Variants in IQCJ observed in about 807,000 individuals in gnomAD.
IQCJ encodes IQ domain-containing protein J.
Under a neutral mutation model 11.0 loss-of-function variants are expected in IQCJ, and 9 were observed. The observed-to-expected ratio is 0.82, with a 90% CI of 0.49 to 1.43. IQCJ has a LOEUF of 1.43. Among genes scored for constraint, IQCJ ranks in the 40% most tolerant of loss-of-function variants. The probability of loss-of-function intolerance (pLI) is 0.00; values close to 1 mark genes in which losing one functional copy is unlikely to be tolerated. For synonymous variants in IQCJ, 55 were observed against 51.3 expected (o/e 1.07, Z -0.31); for missense variants, 146 against 133.2 (o/e 1.10, Z -0.47).
chr3:159,193,099 C>A (rs1263378835), intron 1 of IQCJ, among the ~76,000 whole-genome samples: 1 of 152,140 alleles, frequency 6.6e-6, no homozygotes, highest in African/African-American at 2.4e-5. Flanking sequence ...CCTTTTCAGT[C>A]CGTAACTGCT....
At chr3:159,142,412 G>A (rs533125295) in intron 1 of IQCJ, among the ~76,000 whole-genome samples, 3 of 103,972 alleles carry the variant, frequency 2.9e-5, no homozygotes, top group Non-Finnish European at 4.0e-5. Context: ...TGCACTGAGG[G>A]GCAGGTCTTT....
At chr3:159,115,692 C>G (rs1718940341) in intron 1 of IQCJ, among the ~76,000 whole-genome samples, 1 of 152,246 alleles carries the variant, frequency 6.6e-6, no homozygotes, top group South Asian at 2.1e-4. Flanking sequence ...ATGCAATTGT[C>G]TTGTATTTGG....
At chr3:159,208,765 C>T (rs949209880) in intron 1 of IQCJ, among the ~76,000 whole-genome samples, 3 of 152,192 alleles carry the variant, frequency 2.0e-5, no homozygotes, top group Admixed American at 6.5e-5. Flanking sequence ...GAAAAAGAAT[C>T]TTTGCAGACA....
chr3:159,093,729 A>G (rs1717511259), intron 1 of IQCJ, among the ~76,000 whole-genome samples: 1 of 151,894 alleles, frequency 6.6e-6, no homozygotes, highest in Non-Finnish European at 1.5e-5. Context: ...TAAACTTATT[A>G]ATACAATCAT....
At chr3:159,242,865 C>A (rs567700236) in intron 1 of IQCJ, among the ~76,000 whole-genome samples, 1 of 152,084 alleles carries the variant, frequency 6.6e-6, no homozygotes, top group South Asian at 2.1e-4. Flanking sequence ...ATTTGCTTGT[C>A]AAAATATATT....
intron 1 of IQCJ, among the ~76,000 whole-genome samples, chr3:159,230,810 C>T (rs780261795): frequency 1.3e-5 from 2 of 152,092 alleles, no homozygotes; most frequent in Non-Finnish European, 2.9e-5. Flanking sequence ...TCTGTCTTAT[C>T]CAGGGTAGTG....
At chr3:159,252,281 C>T (rs150006248) in intron 2 of IQCJ, among the ~76,000 whole-genome samples, 225 of 152,276 alleles carry the variant, frequency 1.5e-3, no homozygotes, top group African/African-American at 5.3e-3. Context: ...TGCTTTGTTC[C>T]CAGTGGAAGC....
At chr3:159,154,974 G>T (rs140226979) in intron 1 of IQCJ, among the ~76,000 whole-genome samples, 1 of 150,820 alleles carries the variant, frequency 6.6e-6, no homozygotes, top group Admixed American at 6.6e-5. Flanking sequence ...TCCCACCCCC[G>T]CTTTCATCCT....
At chr3:159,107,367 A>G (rs1718328707) in intron 1 of IQCJ, among the ~76,000 whole-genome samples, 1 of 152,212 alleles carries the variant, frequency 6.6e-6, no homozygotes. Context: ...ACCTCACCAG[A>G]CAGCAAATGT....
intron 1 of IQCJ, among the ~76,000 whole-genome samples, chr3:159,149,551 T>G (rs73164368): frequency 0.042 from 6,447 of 152,260 alleles, 205 homozygotes; most frequent in Non-Finnish European, 0.066. Context: ...GGGCTACTGC[T>G]AAGATTTCTG....
chr3:159,223,648 T>G (rs1012544169), intron 1 of IQCJ, among the ~76,000 whole-genome samples: 5 of 152,154 alleles, frequency 3.3e-5, no homozygotes, highest in African/African-American at 9.7e-5. Context: ...CCATATATGT[T>G]CCAGCTCTGT....
intron 1 of IQCJ, among the ~76,000 whole-genome samples, chr3:159,206,831 C>G (rs1724682104): frequency 6.6e-6 from 1 of 152,118 alleles, no homozygotes; most frequent in Non-Finnish European, 1.5e-5. Flanking sequence ...TTTGATTCTT[C>G]ATTAATCACA....
At chr3:159,261,065 AT>A (rs935919011) in intron 3 of IQCJ, among the ~76,000 whole-genome samples, 2 of 152,030 alleles carry the variant, frequency 1.3e-5, no homozygotes, top group Admixed American at 6.6e-5. Flanking sequence ...ATGTGGTCAC[AT>A]TTTTTTTGTT....
At chr3:159,255,695 G>C (rs993398904) in intron 3 of IQCJ, among the ~76,000 whole-genome samples, 1 of 152,144 alleles carries the variant, frequency 6.6e-6, no homozygotes, top group Non-Finnish European at 1.5e-5. Flanking sequence ...GAATGCAACT[G>C]TTAAGAGGTA....
At chr3:159,260,111 T>C (rs1224406417) in intron 3 of IQCJ, among the ~76,000 whole-genome samples, 1 of 152,212 alleles carries the variant, frequency 6.6e-6, no homozygotes, top group Non-Finnish European at 1.5e-5. Flanking sequence ...TCTTAATATC[T>C]GACTTAAGGA....
intron 1 of IQCJ, among the ~76,000 whole-genome samples, chr3:159,199,249 T>C (rs753766444): frequency 2.0e-5 from 3 of 152,182 alleles, no homozygotes; most frequent in Non-Finnish European, 4.4e-5. Flanking sequence ...CTAAATGTAA[T>C]GACAAGGTTC....
At chr3:159,224,612 T>C (rs969210838) in intron 1 of IQCJ, among the ~76,000 whole-genome samples, 1 of 152,206 alleles carries the variant, frequency 6.6e-6, no homozygotes, top group Non-Finnish European at 1.5e-5. Flanking sequence ...AGATATAAGA[T>C]CAGTAGACCA....
chr3:159,088,821 G>A (rs564648078), intron 1 of IQCJ, among the ~76,000 whole-genome samples: 9 of 151,984 alleles, frequency 5.9e-5, no homozygotes, highest in African/African-American at 1.7e-4. Context: ...GTCTCTGCAC[G>A]TGAGATGGGT....
intron 1 of IQCJ, among the ~76,000 whole-genome samples, chr3:159,107,506 G>T (rs575986943): frequency 4.4e-4 from 67 of 152,222 alleles, no homozygotes; most frequent in Non-Finnish European, 8.1e-4. Context: ...CTGCTTAAGG[G>T]GCTTAAAGCC....
Sources: gnomAD v4.1 joint callset for allele counts (sites outside exome capture counted in the v4.1 genomes callset) on GRCh38, gnomAD v4.1.1 for gene constraint, MANE v1.5 for transcripts, NCBI Gene and HGNC (gene_info 2026-07-23, HGNC 2026-07-21) for gene names.